Variants in ETV1 observed in about 807,000 individuals in gnomAD.
ETV1 encodes the protein ETS translocation variant 1.
Under a neutral mutation model 62.3 loss-of-function variants are expected in ETV1, and 27 were observed. That is an observed-to-expected ratio of 0.43 (90% CI 0.32 to 0.60). The LOEUF is 0.60. Ranked by LOEUF, ETV1 falls within the 20% of genes least tolerant of loss-of-function variation. The pLI, the probability that ETV1 is intolerant of heterozygous loss-of-function variation, is 0.06. For synonymous variants in ETV1, 222 were observed against 199.6 expected (o/e 1.11, Z -0.94); for missense variants, 605 against 605.8 (o/e 1.00, Z 0.01).
At chr7:13,920,173 C>T (rs1463203288) in intron 9 of ETV1, among the ~76,000 whole-genome samples, 1 of 152,034 alleles carries the variant, frequency 6.6e-6, no homozygotes, top group Non-Finnish European at 1.5e-5. Context: ...CTGTAAAATC[C>T]AAGTTAGACA....
chr7:13,955,962 C>T (rs1233759666), intron 6 of ETV1, among the ~76,000 whole-genome samples: 1 of 152,134 alleles, frequency 6.6e-6, no homozygotes, highest in Non-Finnish European at 1.5e-5. Flanking sequence ...TGTCCACCTG[C>T]ACAGTCTTTA....
chr7:13,909,915 G>A (rs924277193), intron 10 of ETV1, among the ~76,000 whole-genome samples: 2 of 152,084 alleles, frequency 1.3e-5, no homozygotes, highest in African/African-American at 4.8e-5. Flanking sequence ...TTATAGGGTT[G>A]CTGTAGTTTA....
intron 12 of ETV1, among the ~76,000 whole-genome samples, chr7:13,905,307 T>C (rs978599025): frequency 2.0e-5 from 3 of 152,122 alleles, no homozygotes; most frequent in African/African-American, 7.2e-5. Context: ...GAAAATCACT[T>C]TGGGTTCAAA....
intron 6 of ETV1, among the ~76,000 whole-genome samples, chr7:13,949,161 G>A (rs1397436118): frequency 6.7e-6 from 1 of 150,252 alleles, no homozygotes; most frequent in East Asian, 2.0e-4. Flanking sequence ...CTATAGCAGT[G>A]ATTTAAAAAA....
At position 13,895,977 on chromosome 7, in the gene ETV1, G is replaced by T; in HGVS notation, c.1323C>A (p.His441Gln). 6.2e-7 allele frequency: 1 copy of T among 1,613,718 alleles called. No homozygotes were observed. Among genetic ancestry groups the T allele is most frequent in the Non-Finnish European group, 8.5e-7 (1 of 1,179,802 alleles). The change falls in exon 14 of 14, where the codon CAC becomes CAA. Residue 441 changes from histidine (H) to glutamine (Q), a missense_variant. By Grantham distance (24) the His-to-Gln change is conservative. Coordinates refer to ENST00000430479, the MANE Select transcript of ETV1 (RefSeq NM_004956.5). ...GAGGCACTGTGTCCTCCTCGTTGATGTGACGTTCCATGTCTGTCTTCAGCA... is the reference window on the plus strand; with the variant it reads ...GAGGCACTGTGTCCTCCTCGTTGATTTGACGTTCCATGTCTGTCTTCAGCA... ...RPLLKTDMER[H>Q]INEEDTVPLS...
chr7:13,906,229 T>C, intron 12 of ETV1: 1 of 411,820 alleles, frequency 2.4e-6, no homozygotes, highest in Non-Finnish European at 4.3e-6. Flanking sequence ...TTTGTAGGAT[T>C]GTATACAACC....
intron 12 of ETV1, 121 bp downstream of exon 12, chr7:13,906,309 A>C (rs1421898663): frequency 1.1e-5 from 7 of 651,772 alleles, no homozygotes; most frequent in Non-Finnish European, 1.7e-5. Flanking sequence ...TTTTTAATTC[A>C]GAAAGTTTCC....
At position 13,989,120 on chromosome 7, in the gene ETV1, G is replaced by C; in HGVS notation, c.-68C>G. The C allele has an allele frequency of 2.9e-6, 4 of 1,368,938 alleles. No homozygotes were observed. The highest frequency in any genetic ancestry group is 2.0e-5 in the Admixed American group (1 of 50,886). The allele number at this position is 1,368,938 out of a possible 1,614,324, so 84.8% of individuals were successfully genotyped here. A position where few individuals can be genotyped will look rare whatever the true frequency, so the allele number is the denominator to read the frequency against. ...GAGCATTTAGCTGGAGATTTCCTCA[G>C]GATCTGGACTTCTATCAACCTAGAG... On this transcript the variant is annotated 5_prime_UTR_variant, in exon 3 of 14. Transcript: ENST00000430479.
intron 9 of ETV1, 66 bp downstream of exon 9, chr7:13,931,436 C>G: frequency 3.8e-6 from 6 of 1,593,246 alleles, no homozygotes; most frequent in Non-Finnish European, 4.3e-6. Flanking sequence ...GATACCAACA[C>G]TAACCAATGT....
intron 9 of ETV1, among the ~76,000 whole-genome samples, chr7:13,911,797 G>C (rs564208318): frequency 1.3e-5 from 2 of 152,232 alleles, no homozygotes; most frequent in South Asian, 4.1e-4. Context: ...GTATTATGAA[G>C]CATATAATTC....
At chr7:13,896,236 T>C (rs1446934574) in intron 13 of ETV1, 149 bp from the exon 14 acceptor site, 2 of 481,558 alleles carry the variant, frequency 4.2e-6, no homozygotes, top group Non-Finnish European at 7.4e-6. Flanking sequence ...CAGATACACA[T>C]AAAAAAAAAA....
chr7:13,989,899 C>A, upstream of ETV1: 1 of 308,200 alleles, frequency 3.2e-6, no homozygotes. Flanking sequence ...CGGAGAGACT[C>A]GATTTCCTCT....
intron 13 of ETV1, among the ~76,000 whole-genome samples, chr7:13,896,304 C>A (rs896324492): frequency 6.6e-6 from 1 of 151,762 alleles, no homozygotes; most frequent in Admixed American, 6.6e-5. Context: ...AAAATGTTGA[C>A]CTTGAATAAT....
intron 5 of ETV1, among the ~76,000 whole-genome samples, chr7:13,983,881 T>C (rs910226002): frequency 1.1e-4 from 17 of 151,884 alleles, no homozygotes; most frequent in Middle Eastern, 3.4e-3. Flanking sequence ...ACTGGTCCCA[T>C]CCCAACCCTC....
At position 13,909,718 on chromosome 7, in the gene ETV1, A is replaced by T. The variant is rs1783370747; in HGVS notation, c.872-18T>A. On this transcript the variant is annotated intron_variant, in intron 10 of 13. Transcript: ENST00000430479. ...CATACAGCCTGTGGATGAAAAAGGA[A>T]TACATTTATTCATGATAGAAATGAA... The T allele has an allele frequency of 6.3e-7, 1 of 1,589,406 alleles. No individual in the cohort carries two copies. Among genetic ancestry groups the T allele is most frequent in the African/African-American group, 1.3e-5 (1 of 74,476 alleles).
intron 9 of ETV1, among the ~76,000 whole-genome samples, chr7:13,913,663 T>C (rs1783800561): frequency 6.6e-6 from 1 of 152,104 alleles, no homozygotes; most frequent in Non-Finnish European, 1.5e-5. Context: ...TAAAAATAAT[T>C]ATATATCTAA....
chr7:13,981,523 A>G (rs952638666), intron 5 of ETV1, among the ~76,000 whole-genome samples: 12 of 132,950 alleles, frequency 9.0e-5, no homozygotes, highest in Non-Finnish European at 1.6e-4. Flanking sequence ...ATACATACAT[A>G]CATACATACA....
rs552290219 is a variant in ETV1 at position 13,914,850 on chromosome 7, G to GATCT, written c.803-3547_803-3544dup. ...GGCAGAGTTTGCTTAAAATTTCAAG[G>GATCT]ATCTACATCAGGCCACGGCAAAGAG... On this transcript the variant is annotated intron_variant, in intron 9 of 13. Transcript: ENST00000430479. Among the ~76,000 whole-genome samples, 30 of 152,252 alleles carry GATCT rather than the reference G, an allele frequency of 2.0e-4. No individual in the cohort carries two copies. In the East Asian group the frequency reaches 5.4e-3, roughly 28 times the overall value.
chr7:13,971,754 T>C (rs533354279), intron 6 of ETV1, among the ~76,000 whole-genome samples: 5 of 152,142 alleles, frequency 3.3e-5, no homozygotes, highest in African/African-American at 1.2e-4. Context: ...ACAAACTAGT[T>C]CTAAAAATAA....
Sources: allele counts gnomAD v4.1 joint callset (sites outside exome capture counted in the v4.1 genomes callset), GRCh38; gene constraint gnomAD v4.1.1; transcripts MANE v1.5; gene names NCBI Gene and HGNC (gene_info 2026-07-23, HGNC 2026-07-21).